RMDN3: variants seen among roughly 807,000 people sequenced by gnomAD.
RMDN3 encodes regulator of microtubule dynamics protein 3.
In RMDN3, 41 loss-of-function variants were observed where a neutral mutation model predicts 61.8. That is an observed-to-expected ratio of 0.66 (90% CI 0.52 to 0.86). The LOEUF is 0.86. Among genes scored for constraint, RMDN3 ranks in the 40% least tolerant of loss-of-function variants. The pLI is 0.00. For missense variants in RMDN3, 557 were observed against 585.3 expected (o/e 0.95, Z 0.50); for synonymous variants, 247 against 232.0 (o/e 1.06, Z -0.59).
At chr15:40,743,340 G>T in intron 6 of RMDN3, among the ~76,000 whole-genome samples, 1 of 151,852 alleles carries the variant, frequency 6.6e-6, no homozygotes, top group East Asian at 1.9e-4. Flanking sequence ...AGAATTGCTT[G>T]AGCCCAGGAG....
In RMDN3 at chr15:40,745,172, A is replaced by G; in HGVS notation, c.612T>C (p.Thr204=). 1 of 1,614,094 alleles carries G rather than the reference A, an allele frequency of 6.2e-7. No homozygotes were observed. Among genetic ancestry groups the G allele is most frequent in the Non-Finnish European group, 8.5e-7 (1 of 1,180,010 alleles). The change falls in exon 5 of 13, where the codon ACT becomes ACC. Residue 204 remains threonine, a synonymous_variant. Transcript: ENST00000338376. ...GAGAATCCTTTCTCCCCATCTTCAC[A>G]GTCTCACAGCTCACTTCATCTTCCC... ...EDGEDEVSCE[T]VKMGRKDSLD...
chr15:40,737,537 G>C (rs1417055357), intron 10 of RMDN3, 91 bp downstream of exon 10: 1 of 1,290,760 alleles, frequency 7.7e-7, no homozygotes, highest in Non-Finnish European at 1.1e-6. Flanking sequence ...CCCCGACTAG[G>C]AAAACCCCTC....
At chr15:40,744,503 G>A (rs185533102) in intron 5 of RMDN3, among the ~76,000 whole-genome samples, 6 of 151,514 alleles carry the variant, frequency 4.0e-5, no homozygotes, top group Admixed American at 1.3e-4. Flanking sequence ...TAACTTCTGG[G>A]GGGGGGGCAT....
At chr15:40,744,237 A>C (rs1897405124) in intron 5 of RMDN3, 88 bp from the exon 6 acceptor site, 1 of 1,237,188 alleles carries the variant, frequency 8.1e-7, no homozygotes, top group Admixed American at 1.8e-5. Context: ...CCTAGGTTTG[A>C]ATTTCCAAGC....
At position 40,744,055 on chromosome 15, in the gene RMDN3, G is replaced by A. The variant is rs1177861225; in HGVS notation, c.902C>T (p.Ala301Val). Residue 301 changes from alanine (A) to valine (V), a missense_variant, in exon 6 of 13, where the codon GCC becomes GTC. Ala to Val is a moderately conservative substitution (Grantham distance 64). Transcript: ENST00000338376. The part of the protein sequence containing the change: ...TEEVSEKKSY[A>V]LDGKEEAEAA... ...AAGCTGTCAGCACTTACCATCTAGGGCATATGACTTCTTCTCGCTCACCTC... is the reference window on the plus strand; with the variant it reads ...AAGCTGTCAGCACTTACCATCTAGGACATATGACTTCTTCTCGCTCACCTC... The A allele has an allele frequency of 1.2e-6, 2 of 1,612,582 alleles. No homozygotes were observed. Among genetic ancestry groups the A allele is most frequent in the Non-Finnish European group, 1.7e-6 (2 of 1,179,488 alleles).
chr15:40,752,962 G>A (rs1897890797), intron 2 of RMDN3, among the ~76,000 whole-genome samples: 1 of 152,126 alleles, frequency 6.6e-6, no homozygotes, highest in Admixed American at 6.6e-5. Context: ...ATCCAATAAT[G>A]CTCAAGAATG....
chr15:40,745,213 T>G lies in RMDN3; in HGVS notation c.571A>C (p.Lys191Gln). Reference sequence around the variant, plus strand: ...TCATCTTCCCCGTCCTCACTTTCTTTGTCAGAGTCCCGCTCATTGTCAGAC... The same window carrying G: ...TCATCTTCCCCGTCCTCACTTTCTTGGTCAGAGTCCCGCTCATTGTCAGAC... ...AESDNERDSD[K>Q]ESEDGEDEVS... The change falls in exon 5 of 13, where the codon AAA becomes CAA. Residue 191 changes from lysine (K) to glutamine (Q), a missense_variant. Lys to Gln is a moderately conservative substitution (Grantham distance 53). Coordinates refer to ENST00000338376, the MANE Select transcript of RMDN3 (RefSeq NM_018145.3). The G allele has an allele frequency of 6.2e-7, 1 of 1,614,052 alleles. No individual in the cohort carries two copies. Among genetic ancestry groups the G allele is most frequent in the Non-Finnish European group, 8.5e-7 (1 of 1,180,010 alleles).
At chr15:40,736,877 G>C (rs951244541) in intron 12 of RMDN3, among the ~76,000 whole-genome samples, 2 of 152,040 alleles carry the variant, frequency 1.3e-5, no homozygotes, top group Non-Finnish European at 2.9e-5. Flanking sequence ...TTTTGAGATG[G>C]AGTTTTGCTC....
rs942423230 is a variant in RMDN3, at chr15:40,741,259, G to A, written c.911-1066C>T. Among the ~76,000 whole-genome samples the A allele has an allele frequency of 9.9e-5, 15 of 152,040 alleles. 1 individual carries two copies. Among genetic ancestry groups the A allele is most frequent in the Non-Finnish European group, 2.1e-4 (14 of 68,006 alleles). The stretch of plus-strand genomic sequence containing the variant: ...ACATTGGCTCACACCTGTAATCCTA[G>A]AACTTTGAGAGGCCAAGGAGAGGAT... On this transcript the variant is annotated intron_variant, in intron 6 of 12. Coordinates refer to ENST00000338376, the MANE Select transcript of RMDN3 (RefSeq NM_018145.3).
intron 4 of RMDN3, among the ~76,000 whole-genome samples, chr15:40,749,608 T>C (rs1015435889): frequency 1.3e-5 from 2 of 152,220 alleles, no homozygotes; most frequent in Non-Finnish European, 2.9e-5. Context: ...CTGTTCAACC[T>C]CCTTACAGAG....
At chr15:40,736,738 C>G (rs1897066144) in intron 12 of RMDN3, 144 bp from the exon 13 acceptor site, 1 of 681,106 alleles carries the variant, frequency 1.5e-6, no homozygotes, top group African/African-American at 1.8e-5. Context: ...AGCCTGGAGC[C>G]TATTAAATCT....
chr15:40,752,020 G>T lies in RMDN3; in HGVS notation c.346C>A (p.Arg116=). 1 of 1,614,154 alleles carries T rather than the reference G, an allele frequency of 6.2e-7. No individual in the cohort carries two copies. Reference sequence around the variant, plus strand: ...CCAACAATCTCCCCCGCAAGCCCTCGCAGGCTGCTTCTCAGCTCCTCCACC... The same window carrying T: ...CCAACAATCTCCCCCGCAAGCCCTCTCAGGCTGCTTCTCAGCTCCTCCACC... ...REVEELRSSL[R]GLAGEIVGEV... is the part of the protein sequence containing the mutation. Residue 116 remains arginine, a synonymous_variant, in exon 3 of 13, where the codon CGA becomes AGA. Coordinates refer to ENST00000338376, the MANE Select transcript of RMDN3 (RefSeq NM_018145.3).
chr15:40,737,860 G>C, intron 9 of RMDN3, 105 bp downstream of exon 9: 1 of 1,472,938 alleles, frequency 6.8e-7, no homozygotes, highest in Non-Finnish European at 9.5e-7. Context: ...TCAGAAGAAA[G>C]GGCACCTGAG....
chr15:40,754,612 C>G lies in RMDN3; in HGVS notation c.172G>C (p.Asp58His). The G allele has an allele frequency of 6.2e-7, 1 of 1,612,894 alleles. No homozygotes were observed. ...GGGCTCCTACCGTGGCGTCCGGGATCTGAAGTCTGCGTATAGTCCAGGGAG... is the reference window on the plus strand; with the variant it reads ...GGGCTCCTACCGTGGCGTCCGGGATGTGAAGTCTGCGTATAGTCCAGGGAG... Reference protein sequence around the residue: ...PNSLDYTQTSDPGRHVMLLRA... With the variant: ...PNSLDYTQTSHPGRHVMLLRA... The change falls in exon 2 of 13, where the codon GAT becomes CAT. Residue 58 changes from aspartate (D) to histidine (H), a missense_variant. Coordinates refer to ENST00000338376, the MANE Select transcript of RMDN3 (RefSeq NM_018145.3).
At chr15:40,736,978 C>T (rs924386731) in intron 12 of RMDN3, 146 bp downstream of exon 12, 4 of 731,556 alleles carry the variant, frequency 5.5e-6, no homozygotes, top group African/African-American at 1.8e-5. Context: ...CTCAGCTTCC[C>T]GAGTAGCTGG....
At chr15:40,749,632 T>G (rs1212385727) in intron 4 of RMDN3, among the ~76,000 whole-genome samples, 1 of 152,178 alleles carries the variant, frequency 6.6e-6, no homozygotes, top group Non-Finnish European at 1.5e-5. Flanking sequence ...AAACATCAAT[T>G]CCCCACCCAA....
intron 4 of RMDN3, among the ~76,000 whole-genome samples, chr15:40,749,756 G>T (rs1897734050): frequency 6.6e-6 from 1 of 151,984 alleles, no homozygotes; most frequent in Admixed American, 6.6e-5. Flanking sequence ...TTTCATTTTT[G>T]CCCCCTCTTT....
rs756406060 is a variant in RMDN3, at chr15:40,740,106, T to TC, written c.971+26dup. 6 of 1,540,546 alleles carry TC rather than the reference T, an allele frequency of 3.9e-6. No homozygotes were observed. In the South Asian group the frequency reaches 6.8e-5, roughly 17 times the overall value. ...CTCTGCTTTGGCCCTTGCTGGCTCTTCCCAGAACACTGCAGGGTGTTATTA... is the reference window on the plus strand; with the variant it reads ...CTCTGCTTTGGCCCTTGCTGGCTCTTCCCCAGAACACTGCAGGGTGTTATTA... On this transcript the variant is annotated intron_variant, in intron 7 of 12. Coordinates refer to ENST00000338376, the MANE Select transcript of RMDN3 (RefSeq NM_018145.3).
chr15:40,753,202 T>C (rs905157634), intron 2 of RMDN3, among the ~76,000 whole-genome samples: 16 of 152,148 alleles, frequency 1.1e-4, no homozygotes, highest in Admixed American at 1.0e-3. Flanking sequence ...GAGAAAACAC[T>C]CATTTCCAAT....
Sources: allele counts gnomAD v4.1 joint callset (sites outside exome capture counted in the v4.1 genomes callset), GRCh38; gene constraint gnomAD v4.1.1; transcripts MANE v1.5; gene names NCBI Gene and HGNC (gene_info 2026-07-23, HGNC 2026-07-21).